CSMD1: variants seen among roughly 807,000 people sequenced by gnomAD.
CSMD1 encodes CUB and sushi domain-containing protein 1.
A neutral mutation model predicts 417.5 loss-of-function variants in CSMD1; 213 were observed. That is an observed-to-expected ratio of 0.51 (90% CI 0.46 to 0.57). The LOEUF (loss-of-function observed/expected upper bound fraction) is 0.57. Ranked by LOEUF, CSMD1 falls within the 20% of genes least tolerant of loss-of-function variation. The probability of loss-of-function intolerance (pLI) is 0.00; values close to 1 mark genes in which losing one functional copy is unlikely to be tolerated. For missense variants in CSMD1, 6,923 were observed against 4,529.7 expected (o/e 1.53, Z -15.17); for synonymous variants, 2,862 against 1,736.8 (o/e 1.65, Z -16.11).
rs555295902 is a variant in CSMD1 at position 4,318,185 on chromosome 8, G to A, written c.415+101768C>T. Among the ~76,000 whole-genome samples, 17 of 152,066 alleles carry A rather than the reference G, an allele frequency of 1.1e-4. No homozygotes were observed. The South Asian group carries it at 2.3e-3, about 20-fold the overall frequency. ...TCTAATATTGTTACTATCCTTCTAT[G>A]GGTTTACATGTGAATGATAATTATT... On this transcript the variant is annotated intron_variant, in intron 3 of 69. Transcript: ENST00000635120.
intron 3 of CSMD1, among the ~76,000 whole-genome samples, chr8:4,376,047 C>G (rs986627755): frequency 6.6e-6 from 1 of 152,132 alleles, no homozygotes; most frequent in African/African-American, 2.4e-5. Context: ...GTCTTGATAT[C>G]TATACTGAAG....
chr8:3,708,730 C>T (rs942040072), intron 6 of CSMD1, among the ~76,000 whole-genome samples: 7 of 152,148 alleles, frequency 4.6e-5, no homozygotes, highest in Non-Finnish European at 8.8e-5. Context: ...AAAAATAATA[C>T]GTGCTGCCAC....
chr8:4,908,500 A>C (rs1352720293), intron 1 of CSMD1, among the ~76,000 whole-genome samples: 1 of 151,894 alleles, frequency 6.6e-6, no homozygotes, highest in Non-Finnish European at 1.5e-5. Flanking sequence ...GTACCTTTTG[A>C]AACCATTCCA....
chr8:4,109,986 A>T (rs1801766914), intron 3 of CSMD1, among the ~76,000 whole-genome samples: 1 of 152,156 alleles, frequency 6.6e-6, no homozygotes. Flanking sequence ...GACTAACTAG[A>T]ACCACAGAAT....
intron 2 of CSMD1, among the ~76,000 whole-genome samples, chr8:4,434,662 G>A (rs1350832824): frequency 1.3e-5 from 2 of 152,086 alleles, no homozygotes; most frequent in African/African-American, 2.4e-5. Context: ...TCACAAACCC[G>A]ATTTACTTTT....
intron 7 of CSMD1, among the ~76,000 whole-genome samples, chr8:3,679,849 T>G (rs981059644): frequency 2.0e-5 from 3 of 152,120 alleles, no homozygotes; most frequent in Admixed American, 2.0e-4. Context: ...CAGACCACAG[T>G]GCAATCAAAC....
At chr8:4,294,990 G>A (rs1462557342) in intron 3 of CSMD1, among the ~76,000 whole-genome samples, 2 of 149,878 alleles carry the variant, frequency 1.3e-5, no homozygotes, top group Non-Finnish European at 3.0e-5. Context: ...CAAGTCACCT[G>A]ATCTGAACCC....
At chr8:3,903,277 C>G (rs1013707486) in intron 5 of CSMD1, among the ~76,000 whole-genome samples, 1 of 151,994 alleles carries the variant, frequency 6.6e-6, no homozygotes, top group Non-Finnish European at 1.5e-5. Flanking sequence ...TTTCTTGCCT[C>G]TGTCCCACCC....
chr8:4,308,719 G>C (rs1350695634), intron 3 of CSMD1, among the ~76,000 whole-genome samples: 1 of 152,170 alleles, frequency 6.6e-6, no homozygotes, highest in African/African-American at 2.4e-5. Context: ...GCATGATTTA[G>C]AGTAATTTAT....
chr8:4,001,513 G>T (rs1356811836), intron 4 of CSMD1, among the ~76,000 whole-genome samples: 1 of 152,110 alleles, frequency 6.6e-6, no homozygotes, highest in African/African-American at 2.4e-5. Context: ...GCCCACCCCT[G>T]AGTACCAACC....
chr8:4,432,679 A>C (rs1445266388), intron 2 of CSMD1, among the ~76,000 whole-genome samples: 2 of 152,180 alleles, frequency 1.3e-5, no homozygotes, highest in East Asian at 1.9e-4. Context: ...GACAAGATTC[A>C]AACCCTGGCG....
intron 11 of CSMD1, among the ~76,000 whole-genome samples, chr8:3,480,972 T>C (rs1381012893): frequency 2.0e-5 from 3 of 151,390 alleles, no homozygotes; most frequent in Admixed American, 6.6e-5. Flanking sequence ...CTGGCTAACA[T>C]AGTGAAACCC....
At chr8:4,925,299 T>C (rs1806782251) in intron 1 of CSMD1, among the ~76,000 whole-genome samples, 2 of 143,058 alleles carry the variant, frequency 1.4e-5, no homozygotes, top group African/African-American at 2.6e-5. Context: ...TGAAGGTTAA[T>C]TTCCAGACAC....
intron 5 of CSMD1, among the ~76,000 whole-genome samples, chr8:3,819,823 G>C (rs140149561): frequency 6.6e-6 from 1 of 152,066 alleles, no homozygotes; most frequent in Non-Finnish European, 1.5e-5. Context: ...GAGATTACAG[G>C]CGTGACCCAT....
intron 1 of CSMD1, among the ~76,000 whole-genome samples, chr8:4,947,603 T>A (rs559351103): frequency 8.5e-5 from 13 of 152,116 alleles, no homozygotes; most frequent in Admixed American, 7.9e-4. Flanking sequence ...TTCCCCTACA[T>A]GTAAACTTAC....
At chr8:3,338,826 A>T (rs191483267) in intron 23 of CSMD1, among the ~76,000 whole-genome samples, 7,198 of 142,260 alleles carry the variant, frequency 0.051, 217 homozygotes, top group East Asian at 0.16. Context: ...TTTTTTTTTT[A>T]AATTTTTATT....
rs1811657203 is a variant in CSMD1 at position 4,994,560 on chromosome 8, C to T, written c.-144G>A. The T allele has an allele frequency of 5.6e-6, 4 of 717,890 alleles. No homozygotes were observed. In the East Asian group the frequency reaches 8.2e-5, roughly 15 times the overall value. 44.5% of individuals were successfully genotyped at this position (717,890 alleles called of 1,614,324 possible). On this transcript the variant is annotated 5_prime_UTR_variant, in exon 1 of 70. Coordinates refer to ENST00000635120, the MANE Select transcript of CSMD1 (RefSeq NM_033225.6). ...AGACCCGCCGCGCATCCGACGCCTC[C>T]TGAAGGTCTGGGCGCCCGGCTCGCT...
At chr8:4,146,766 C>G (rs568442855) in intron 3 of CSMD1, among the ~76,000 whole-genome samples, 1 of 149,656 alleles carries the variant, frequency 6.7e-6, no homozygotes, top group Non-Finnish European at 1.5e-5. Flanking sequence ...CGCCCGGCAC[C>G]AGACTCGACT....
chr8:4,788,484 G>C, intron 1 of CSMD1: 4 of 1,325,156 alleles, frequency 3.0e-6, no homozygotes, highest in South Asian at 1.2e-5. Flanking sequence ...CAGATATTTG[G>C]GGTAGACAAC....
Sources: gnomAD v4.1 joint callset for allele counts (sites outside exome capture counted in the v4.1 genomes callset) on GRCh38, gnomAD v4.1.1 for gene constraint, MANE v1.5 for transcripts, NCBI Gene and HGNC (gene_info 2026-07-23, HGNC 2026-07-21) for gene names.